TMEM45A: variants seen among roughly 807,000 people sequenced by gnomAD.
The protein encoded by TMEM45A is transmembrane protein 45A.
In TMEM45A, 25 loss-of-function variants were observed where a neutral mutation model predicts 32.0. The observed-to-expected ratio is 0.78, with a 90% CI of 0.57 to 1.09. The LOEUF is 1.09. Ranked by LOEUF, TMEM45A falls within the 50% of genes least tolerant of loss-of-function variation. The pLI, the probability that TMEM45A is intolerant of heterozygous loss-of-function variation, is 0.00. For missense variants in TMEM45A, 302 were observed against 325.0 expected (o/e 0.93, Z 0.54); for synonymous variants, 122 against 114.8 (o/e 1.06, Z -0.40).
chr3:100,564,449 G>A (rs1020382038), intron 4 of TMEM45A, among the ~76,000 whole-genome samples: 3 of 151,396 alleles, frequency 2.0e-5, no homozygotes, highest in African/African-American at 7.3e-5. Context: ...TTAAGTGTTG[G>A]CAACTAAAGC....
intron 1 of TMEM45A, among the ~76,000 whole-genome samples, chr3:100,528,298 C>T (rs6777810): frequency 0.57 from 87,198 of 152,040 alleles, 26,543 homozygotes; most frequent in African/African-American, 0.78. Context: ...TTTGGTTTTC[C>T]CAGGGATCCT....
At position 100,492,755 on chromosome 3, in the gene TMEM45A, T is replaced by TCTCC. The variant is rs1707864288; in HGVS notation, c.-176_-175insTCCC. Reference sequence around the variant, plus strand: ...CGACTAGGGACCCAAGTTTAAAAATTCCTCCCCCCACCCAATGCGAGACGT... The same window carrying TCTCC: ...CGACTAGGGACCCAAGTTTAAAAATTCTCCCCTCCCCCCACCCAATGCGAGACGT... On this transcript the variant is annotated 5_prime_UTR_variant, in exon 1 of 6. Transcript: ENST00000323523. 2.1e-5 allele frequency: 3 copies of TCTCC among 143,526 alleles called. No individual in the cohort carries two copies. Among genetic ancestry groups the TCTCC allele is most frequent in the Non-Finnish European group, 3.0e-5 (2 of 65,992 alleles). The allele number at this position is 143,526 out of a possible 1,614,324, so 8.9% of individuals were successfully genotyped here. A position where few individuals can be genotyped will look rare whatever the true frequency, so the allele number is the denominator to read the frequency against.
chr3:100,501,043 A>C (rs1708001904), intron 1 of TMEM45A, among the ~76,000 whole-genome samples: 1 of 152,256 alleles, frequency 6.6e-6, no homozygotes, highest in South Asian at 2.1e-4. Flanking sequence ...ATATTTTATT[A>C]AATTCTTTTT....
intron 5 of TMEM45A, among the ~76,000 whole-genome samples, chr3:100,575,470 T>G (rs1706664373): frequency 7.0e-6 from 1 of 141,980 alleles, no homozygotes; most frequent in Non-Finnish European, 1.5e-5. Flanking sequence ...CCGCCTGGAC[T>G]CAGGAGATTC....
intron 1 of TMEM45A, among the ~76,000 whole-genome samples, chr3:100,542,208 A>T (rs951387667): frequency 2.0e-5 from 3 of 152,184 alleles, no homozygotes; most frequent in African/African-American, 7.2e-5. Context: ...TGGTAGCTTG[A>T]TAGGAATAGC....
chr3:100,520,464 TA>T (rs1415864638), intron 1 of TMEM45A, among the ~76,000 whole-genome samples: 1 of 152,202 alleles, frequency 6.6e-6, no homozygotes, highest in East Asian at 1.9e-4. Context: ...AGATGCTAGT[TA>T]AAGGATACCT....
At chr3:100,557,029 C>T (rs1290130707) in intron 3 of TMEM45A, 57 bp downstream of exon 3, 1 of 1,534,602 alleles carries the variant, frequency 6.5e-7, no homozygotes. Context: ...ATTTATGTAG[C>T]CCTTCATATT....
rs1484570068 is a variant in TMEM45A at position 100,556,016 on chromosome 3, G to A, written c.190+615G>A. ...CTTTTTTCTTTTGAGATGGAGTCTC[G>A]GTCTATTGGCCAGGCTGGAGTGCAG... On this transcript the variant is annotated intron_variant, in intron 2 of 5. Transcript: ENST00000323523. Among the ~76,000 whole-genome samples, 5 of 151,636 alleles carry A rather than the reference G, an allele frequency of 3.3e-5. No homozygotes were observed. The East Asian group carries it at 7.8e-4, about 24-fold the overall frequency.
intron 1 of TMEM45A, among the ~76,000 whole-genome samples, chr3:100,521,420 A>C (rs780067348): frequency 1.3e-5 from 2 of 151,384 alleles, no homozygotes; most frequent in Non-Finnish European, 2.9e-5. Flanking sequence ...TGCCCGGCTA[A>C]TTTTGTATTT....
At chr3:100,574,964 A>T (rs1706651266) in intron 5 of TMEM45A, among the ~76,000 whole-genome samples, 1 of 152,210 alleles carries the variant, frequency 6.6e-6, no homozygotes, top group East Asian at 1.9e-4. Context: ...AGTTCCACAG[A>T]AGTATTTCAA....
intron 1 of TMEM45A, among the ~76,000 whole-genome samples, chr3:100,543,510 C>T (rs1705927317): frequency 6.6e-6 from 1 of 152,080 alleles, no homozygotes; most frequent in Non-Finnish European, 1.5e-5. Context: ...CTCACCAACA[C>T]TTGATATAAT....
chr3:100,531,774 A>C (rs1705652991), intron 1 of TMEM45A, among the ~76,000 whole-genome samples: 2 of 152,256 alleles, frequency 1.3e-5, no homozygotes, highest in Admixed American at 6.5e-5. Flanking sequence ...CTGTACCAAA[A>C]AGATGATACT....
chr3:100,562,959 T>A (rs1349694607), intron 4 of TMEM45A, among the ~76,000 whole-genome samples: 1 of 152,210 alleles, frequency 6.6e-6, no homozygotes, highest in Non-Finnish European at 1.5e-5. Context: ...TATTTTGAAC[T>A]CAACTGTTGT....
intron 1 of TMEM45A, among the ~76,000 whole-genome samples, chr3:100,537,007 C>A (rs1049233549): frequency 6.6e-6 from 1 of 152,162 alleles, no homozygotes; most frequent in African/African-American, 2.4e-5. Context: ...CTACAACTTC[C>A]GCCTCCCAGG....
chr3:100,515,264 G>C (rs1708241491), intron 1 of TMEM45A, among the ~76,000 whole-genome samples: 1 of 151,994 alleles, frequency 6.6e-6, no homozygotes, highest in African/African-American at 2.4e-5. Flanking sequence ...TTAAGAAAAT[G>C]TGGCACATAT....
intron 1 of TMEM45A, among the ~76,000 whole-genome samples, 197 bp downstream of exon 1, chr3:100,493,125 T>C: frequency 1.1e-5 from 1 of 93,892 alleles, no homozygotes. Flanking sequence ...CTATTCTTTT[T>C]TTTTTTTTTT....
intron 1 of TMEM45A, among the ~76,000 whole-genome samples, chr3:100,520,647 C>A (rs1348936258): frequency 6.6e-6 from 1 of 152,152 alleles, no homozygotes; most frequent in Non-Finnish European, 1.5e-5. Flanking sequence ...TAAGTATAGT[C>A]CCTTGTAGGG....
chr3:100,558,527 A>G lies in TMEM45A; in HGVS notation c.526A>G (p.Asn176Asp). 1 of 1,614,134 alleles carries G rather than the reference A, an allele frequency of 6.2e-7. No individual in the cohort carries two copies. Among genetic ancestry groups the G allele is most frequent in the South Asian group, 1.1e-5 (1 of 91,068 alleles). Reference sequence around the variant, plus strand: ...CTTCCTAGAGTTCCTTGTTCGGAACAATGTACTTCTGGAGCTATTGCGGTC... The same window carrying G: ...CTTCCTAGAGTTCCTTGTTCGGAACGATGTACTTCTGGAGCTATTGCGGTC... The part of the protein sequence containing the change: ...VAFLEFLVRN[N>D]VLLELLRSSL... The change falls in exon 4 of 6, where the codon AAT (asparagine) becomes GAT (aspartate). Residue 176 changes from asparagine (N) to aspartate (D), a missense_variant. Asn to Asp is a conservative substitution (Grantham distance 23). Coordinates refer to ENST00000323523, the MANE Select transcript of TMEM45A (RefSeq NM_018004.3).
chr3:100,557,418 G>GATA (rs1375771060), intron 3 of TMEM45A, among the ~76,000 whole-genome samples: 1 of 152,158 alleles, frequency 6.6e-6, no homozygotes, highest in Non-Finnish European at 1.5e-5. Flanking sequence ...GCCATTTGAT[G>GATA]ATAAGTAGGG....
Sources: allele counts gnomAD v4.1 joint callset (sites outside exome capture counted in the v4.1 genomes callset), GRCh38; gene constraint gnomAD v4.1.1; transcripts MANE v1.5; gene names NCBI Gene and HGNC (gene_info 2026-07-23, HGNC 2026-07-21).